Variants in MAP2K6 observed in about 807,000 individuals in gnomAD.
The protein encoded by MAP2K6 is dual specificity mitogen-activated protein kinase kinase 6.
In MAP2K6, 16 loss-of-function variants were observed where a neutral mutation model predicts 53.7. The ratio of observed to expected loss-of-function variants is 0.30; its 90% CI spans 0.20 to 0.45. MAP2K6 has a LOEUF of 0.45. Among genes scored for constraint, MAP2K6 ranks in the 20% least tolerant of loss-of-function variants. The pLI is 1.00. For synonymous variants in MAP2K6, 132 were observed against 143.1 expected (o/e 0.92, Z 0.55); for missense variants, 204 against 411.9 (o/e 0.50, Z 4.37).
At chr17:69,530,194 G>T (rs1195563763) in intron 10 of MAP2K6, among the ~76,000 whole-genome samples, 4 of 152,100 alleles carry the variant, frequency 2.6e-5, no homozygotes, top group African/African-American at 9.6e-5. Context: ...GTGCACCTGG[G>T]GACCCAGCTA....
chr17:69,426,807 AAAAG>A, intron 1 of MAP2K6, among the ~76,000 whole-genome samples: 1 of 152,146 alleles, frequency 6.6e-6, no homozygotes, highest in Non-Finnish European at 1.5e-5. Flanking sequence ...TAAAAAAAAA[AAAAG>A]AAAAGAAAAT....
At chr17:69,529,716 T>C (rs1910980405) in intron 10 of MAP2K6, among the ~76,000 whole-genome samples, 1 of 152,082 alleles carries the variant, frequency 6.6e-6, no homozygotes. Context: ...TTCACCGTGT[T>C]AACCAGGATG....
chr17:69,446,059 A>T (rs1465195024), intron 1 of MAP2K6, among the ~76,000 whole-genome samples: 1 of 152,232 alleles, frequency 6.6e-6, no homozygotes, highest in Non-Finnish European at 1.5e-5. Flanking sequence ...GCAAGAAAAG[A>T]AGTGCTTATT....
chr17:69,425,352 A>G (rs180885317), intron 1 of MAP2K6, among the ~76,000 whole-genome samples: 2 of 151,682 alleles, frequency 1.3e-5, no homozygotes, highest in African/African-American at 4.8e-5. Flanking sequence ...TAGCTCTGTC[A>G]CCCAGGCTGG....
In MAP2K6 at chr17:69,485,062, A is replaced by G. The variant is rs190043438; in HGVS notation, c.17-20718A>G. Among the ~76,000 whole-genome samples the G allele has an allele frequency of 3.2e-3, 485 of 152,324 alleles. 1 individual carries two copies. The highest frequency in any genetic ancestry group is 5.7e-3 in the Non-Finnish European group (386 of 68,022). ...CTAAAAGCCATTGAATTGTACAATT[A>G]AAATAGGTGAAATACATGTTAAATA... On this transcript the variant is annotated intron_variant, in intron 1 of 11. Transcript: ENST00000590474.
rs1265189230 is a variant in MAP2K6, at chr17:69,505,811, A to G, written c.48A>G (p.Pro16=). 3 of 1,613,994 alleles carry G rather than the reference A, an allele frequency of 1.9e-6. No homozygotes were observed. The highest frequency in any genetic ancestry group is 2.5e-6 in the Non-Finnish European group (3 of 1,179,892). The change falls in exon 2 of 12, where the codon CCA becomes CCG. Residue 16 remains proline (P), a synonymous_variant. Coordinates refer to ENST00000590474, the MANE Select transcript of MAP2K6 (RefSeq NM_002758.4). The part of the protein sequence containing the change: ...GKKRNPGLKI[P]KEAFEQPQTS... ...AGCGAAACCCTGGCCTTAAAATTCC[A>G]AAAGAAGCATTTGAACAACCTCAGA... is the stretch of plus-strand genomic sequence containing the variant.
intron 1 of MAP2K6, among the ~76,000 whole-genome samples, chr17:69,459,810 C>T (rs1261914103): frequency 6.7e-6 from 1 of 149,492 alleles, no homozygotes; most frequent in East Asian, 2.0e-4. Flanking sequence ...TTGTTTCCTT[C>T]TTCGCTGCCT....
intron 1 of MAP2K6, among the ~76,000 whole-genome samples, chr17:69,501,143 A>G (rs369124782): frequency 3.3e-4 from 50 of 152,328 alleles, no homozygotes; most frequent in African/African-American, 1.2e-3. Context: ...ATATTGGGAA[A>G]CAGATTTTTA....
chr17:69,446,575 CT>C (rs5821713), intron 1 of MAP2K6, among the ~76,000 whole-genome samples: 13,592 of 152,178 alleles, frequency 0.089, 1,032 homozygotes, highest in East Asian at 0.43. Context: ...TTGTTTCTTC[CT>C]TTCACAGGTG....
At chr17:69,527,755 G>C (rs1910850387) in intron 10 of MAP2K6, among the ~76,000 whole-genome samples, 2 of 152,158 alleles carry the variant, frequency 1.3e-5, no homozygotes, top group Admixed American at 1.3e-4. Flanking sequence ...AGCTCTGAAG[G>C]CTGTTTGAGG....
rs559590158 is a variant in MAP2K6 at position 69,439,847 on chromosome 17, G to A, written c.16+24847G>A. On this transcript the variant is annotated intron_variant, in intron 1 of 11. Coordinates refer to ENST00000590474, the MANE Select transcript of MAP2K6 (RefSeq NM_002758.4). ...ACTTTAGCTGCTAAGAATAGGAATA[G>A]CATTTCTTGAGCCATTACATTCACA... Among the ~76,000 whole-genome samples, 7 of 152,306 alleles carry A rather than the reference G, an allele frequency of 4.6e-5. No homozygotes were observed. The East Asian group carries it at 1.3e-3, about 29-fold the overall frequency.
intron 10 of MAP2K6, among the ~76,000 whole-genome samples, chr17:69,527,731 G>A (rs1030377132): frequency 6.6e-6 from 1 of 152,170 alleles, no homozygotes; most frequent in Non-Finnish European, 1.5e-5. Context: ...ACTCACTGCT[G>A]GGGAAGGGCC....
At chr17:69,538,618 T>A (rs1911471355) in intron 11 of MAP2K6, among the ~76,000 whole-genome samples, 1 of 152,206 alleles carries the variant, frequency 6.6e-6, no homozygotes. Context: ...AAAAAAATAA[T>A]CCTTTTTCCA....
chr17:69,434,358 C>G (rs912698435), intron 1 of MAP2K6: 24 of 152,208 alleles, frequency 1.6e-4, no homozygotes, highest in African/African-American at 5.3e-4. Context: ...CTTTTTGTAA[C>G]TTAACATTCC....
At chr17:69,523,792 T>G (rs866912500) in intron 8 of MAP2K6, 151 bp downstream of exon 8, 1 of 1,020,332 alleles carries the variant, frequency 9.8e-7, no homozygotes, top group Non-Finnish European at 1.4e-6. Context: ...AAATTTTATG[T>G]CTGAAATCTT....
intron 1 of MAP2K6, among the ~76,000 whole-genome samples, chr17:69,445,071 C>T (rs1906931158): frequency 6.6e-6 from 1 of 152,120 alleles, no homozygotes; most frequent in African/African-American, 2.4e-5. Context: ...CAAGTGTGCA[C>T]CACCAGGCCC....
chr17:69,539,602 G>A (rs188656934), intron 11 of MAP2K6, among the ~76,000 whole-genome samples: 1 of 152,222 alleles, frequency 6.6e-6, no homozygotes, highest in East Asian at 1.9e-4. Context: ...AAGATGCCTA[G>A]CGATTTTCTT....
At chr17:69,509,205 A>G (rs1487744064) in intron 2 of MAP2K6, among the ~76,000 whole-genome samples, 1 of 152,196 alleles carries the variant, frequency 6.6e-6, no homozygotes, top group Non-Finnish European at 1.5e-5. Flanking sequence ...GGGCAAATTG[A>G]CATTTTTACT....
intron 1 of MAP2K6, among the ~76,000 whole-genome samples, chr17:69,452,047 G>T (rs1279327473): frequency 6.6e-6 from 1 of 152,144 alleles, no homozygotes; most frequent in Non-Finnish European, 1.5e-5. Context: ...GATGGAGGCA[G>T]TAGGAATGCG....
Sources: gnomAD v4.1 joint callset for allele counts (sites outside exome capture counted in the v4.1 genomes callset) on GRCh38, gnomAD v4.1.1 for gene constraint, MANE v1.5 for transcripts, NCBI Gene and HGNC (gene_info 2026-07-23, HGNC 2026-07-21) for gene names.